Variants in ERC2 observed in about 807,000 individuals in gnomAD.
ERC2 encodes the protein ERC protein 2.
In ERC2, 42 loss-of-function variants were observed where a neutral mutation model predicts 114.8. The observed-to-expected ratio is 0.37, with a 90% CI of 0.29 to 0.47. The LOEUF is 0.47. ERC2 is among the 20% of genes least tolerant of loss of function. The pLI is 0.99. For missense variants in ERC2, 939 were observed against 1,150.7 expected (o/e 0.82, Z 2.66); for synonymous variants, 454 against 425.5 (o/e 1.07, Z -0.82).
chr3:56,335,411 T>C (rs974892241), intron 2 of ERC2, among the ~76,000 whole-genome samples: 1 of 152,202 alleles, frequency 6.6e-6, no homozygotes, highest in African/African-American at 2.4e-5. Context: ...TTTTCAAAGA[T>C]ACTTGACTAA....
At chr3:56,360,952 C>T (rs961410996) in intron 2 of ERC2, among the ~76,000 whole-genome samples, 3 of 151,852 alleles carry the variant, frequency 2.0e-5, no homozygotes, top group African/African-American at 7.3e-5. Context: ...AGTTCATCAG[C>T]CAGAAAAGAG....
intron 2 of ERC2, among the ~76,000 whole-genome samples, chr3:56,362,562 G>A (rs1157290203): frequency 4.6e-5 from 7 of 152,190 alleles, no homozygotes; most frequent in South Asian, 2.1e-4. Flanking sequence ...GGAATACTCC[G>A]AATTATTGAT....
At chr3:55,937,029 G>A (rs1186827953) in intron 13 of ERC2, among the ~76,000 whole-genome samples, 2 of 152,130 alleles carry the variant, frequency 1.3e-5, no homozygotes, top group Non-Finnish European at 2.9e-5. Context: ...AACCCACGTG[G>A]TAAAAACATC....
chr3:55,964,335 C>G (rs894055103), intron 12 of ERC2, among the ~76,000 whole-genome samples: 1 of 152,160 alleles, frequency 6.6e-6, no homozygotes, highest in Non-Finnish European at 1.5e-5. Flanking sequence ...TGCCAAAGAT[C>G]ATGGCATCTA....
At chr3:55,817,493 T>C (rs751919501) in intron 14 of ERC2, among the ~76,000 whole-genome samples, 7 of 152,178 alleles carry the variant, frequency 4.6e-5, no homozygotes, top group Non-Finnish European at 1.0e-4. Context: ...CCTCTTTCAT[T>C]CTAGAAAGCA....
intron 7 of ERC2, among the ~76,000 whole-genome samples, chr3:56,040,954 T>A (rs1368565739): frequency 6.6e-6 from 1 of 151,852 alleles, no homozygotes; most frequent in Non-Finnish European, 1.5e-5. Flanking sequence ...TACCGTTGAG[T>A]CCTTCCAGTG....
intron 13 of ERC2, among the ~76,000 whole-genome samples, chr3:55,898,505 T>G (rs1236861921): frequency 1.3e-5 from 2 of 152,170 alleles, no homozygotes; most frequent in Non-Finnish European, 2.9e-5. Context: ...TTGACCTCTA[T>G]GTACGTCAGC....
intron 13 of ERC2, among the ~76,000 whole-genome samples, chr3:55,907,517 G>T (rs140863871): frequency 1.4e-3 from 215 of 152,312 alleles, no homozygotes; most frequent in African/African-American, 4.5e-3. Context: ...TGGAGAAAAT[G>T]AATCAGAGGT....
chr3:56,055,945 T>C (rs1212548852), intron 7 of ERC2, among the ~76,000 whole-genome samples: 2 of 152,230 alleles, frequency 1.3e-5, no homozygotes, highest in African/African-American at 4.8e-5. Flanking sequence ...AAGGGGGGTT[T>C]CTTTAAAGAA....
chr3:56,425,384 A>G (rs533663463), intron 2 of ERC2, among the ~76,000 whole-genome samples: 1 of 152,262 alleles, frequency 6.6e-6, no homozygotes, highest in African/African-American at 2.4e-5. Context: ...ACACAGAGGA[A>G]AAAATGAGGG....
chr3:55,891,970 T>C (rs2063629371), intron 13 of ERC2, among the ~76,000 whole-genome samples: 1 of 152,204 alleles, frequency 6.6e-6, no homozygotes, highest in South Asian at 2.1e-4. Context: ...TGACTGTACA[T>C]ATGTAGTTTG....
intron 17 of ERC2, among the ~76,000 whole-genome samples, chr3:55,675,894 CTTTTCTTTCTTTTTTTTTT>C (rs1178541728): frequency 2.4e-4 from 17 of 70,508 alleles, no homozygotes; most frequent in Admixed American, 3.4e-4. Flanking sequence ...CTTTCTTTCT[CTTTTCTTTCTTTTTTTTTT>C]TTTTTTTTTT....
intron 17 of ERC2, 45 bp downstream of exon 17, chr3:55,683,749 G>T (rs2062178072): frequency 2.0e-6 from 3 of 1,496,074 alleles, no homozygotes; most frequent in Non-Finnish European, 2.8e-6. Flanking sequence ...TACAACACTA[G>T]AATGCAATTT....
At chr3:56,381,818 T>C (rs1171277407) in intron 2 of ERC2, among the ~76,000 whole-genome samples, 2 of 152,126 alleles carry the variant, frequency 1.3e-5, no homozygotes, top group African/African-American at 4.8e-5. Context: ...TGAGAGACTC[T>C]GATCTCCCTA....
chr3:56,113,266 G>A (rs1163911445), intron 6 of ERC2, among the ~76,000 whole-genome samples: 1 of 152,104 alleles, frequency 6.6e-6, no homozygotes, highest in African/African-American at 2.4e-5. Flanking sequence ...AGAAAGAGCT[G>A]GAACATATTA....
intron 4 of ERC2, among the ~76,000 whole-genome samples, chr3:56,152,485 T>A (rs1187605738): frequency 6.6e-6 from 1 of 152,020 alleles, no homozygotes; most frequent in Non-Finnish European, 1.5e-5. Context: ...TTTACTGAGC[T>A]CCTGTTCTAA....
chr3:55,675,329 A>C (rs1353451592), intron 17 of ERC2, among the ~76,000 whole-genome samples: 1 of 152,188 alleles, frequency 6.6e-6, no homozygotes, highest in Non-Finnish European at 1.5e-5. Flanking sequence ...TAGCCACCAG[A>C]TGGTGGACTA....
At chr3:55,837,754 A>T (rs908863630) in intron 14 of ERC2, among the ~76,000 whole-genome samples, 8 of 149,550 alleles carry the variant, frequency 5.3e-5, no homozygotes, top group Non-Finnish European at 9.0e-5. Flanking sequence ...AAAGTGTAAT[A>T]AAAAAAAAGA....
chr3:56,106,943 G>C (rs1265841628), intron 6 of ERC2, among the ~76,000 whole-genome samples: 1 of 152,206 alleles, frequency 6.6e-6, no homozygotes, highest in African/African-American at 2.4e-5. Flanking sequence ...TCACCACGGT[G>C]AATCAATCAG....
Sources: allele counts gnomAD v4.1 joint callset (sites outside exome capture counted in the v4.1 genomes callset), GRCh38; gene constraint gnomAD v4.1.1; transcripts MANE v1.5; gene names NCBI Gene and HGNC (gene_info 2026-07-23, HGNC 2026-07-21).